THAP3: variants seen among roughly 807,000 people sequenced by gnomAD.
The protein encoded by THAP3 is THAP domain containing 3.
Under a neutral mutation model 17.7 loss-of-function variants are expected in THAP3, and 12 were observed. The ratio of observed to expected loss-of-function variants is 0.68; its 90% CI spans 0.43 to 1.10. THAP3 has a LOEUF of 1.10. Ranked by LOEUF, THAP3 falls within the 50% of genes least tolerant of loss-of-function variation. THAP3 has a pLI of 0.00. For synonymous variants in THAP3, 133 were observed against 126.9 expected (o/e 1.05, Z -0.32); for missense variants, 289 against 318.0 (o/e 0.91, Z 0.69).
chr1:6,632,705 G>T, intron 5 of THAP3, 91 bp from the exon 6 acceptor site: 1 of 1,527,222 alleles, frequency 6.5e-7, no homozygotes, highest in Non-Finnish European at 9.0e-7. Flanking sequence ...CTGCCCTGGG[G>T]TTGTGCTGTG....
chr1:6,631,817 G>T (rs1641622405), intron 4 of THAP3, among the ~76,000 whole-genome samples: 1 of 152,098 alleles, frequency 6.6e-6, no homozygotes, highest in African/African-American at 2.4e-5. Flanking sequence ...AACCCAGGGG[G>T]CGGAGGTTGC....
At chr1:6,626,911 A>G (rs572848929) in intron 2 of THAP3, among the ~76,000 whole-genome samples, 21 of 152,276 alleles carry the variant, frequency 1.4e-4, no homozygotes, top group African/African-American at 4.3e-4. Context: ...CAGTGCATCT[A>G]TCTGTTTTGC....
In THAP3 at chr1:6,628,493, C is replaced by T. The variant is rs755558087; in HGVS notation, c.75-6C>T. ...TGGGCCTCACACCCCGTGCCTCTGC[C>T]CTTAGGTTTCCGTTCAGCCGCCCGG... On this transcript the variant is annotated splice_region_variant and splice_polypyrimidine_tract_variant and intron_variant, in intron 2 of 5. Transcript: ENST00000054650. The T allele has an allele frequency of 6.2e-7, 1 of 1,607,704 alleles. No individual in the cohort carries two copies. The highest frequency in any genetic ancestry group is 1.7e-5 in the Admixed American group (1 of 59,394).
chr1:6,625,064 C>T (rs1641421544), intron 1 of THAP3, 86 bp from the exon 2 acceptor site: 1 of 806,386 alleles, frequency 1.2e-6, no homozygotes, highest in Non-Finnish European at 1.9e-6. Flanking sequence ...TGGGGAGACG[C>T]GGGTGGCTGG....
chr1:6,625,124 C>A, intron 1 of THAP3, 26 bp from the exon 2 acceptor site: 1 of 1,377,954 alleles, frequency 7.3e-7, no homozygotes, highest in Non-Finnish European at 9.8e-7. Context: ...GTCACCACCT[C>A]CCAGCGGCCC....
At chr1:6,634,102 G>C (rs755163069), downstream of THAP3, 8 of 1,611,832 alleles carry the variant, frequency 5.0e-6, no homozygotes, top group East Asian at 1.3e-4. Context: ...ATGGGGAGGA[G>C]GCCTCTGGGG....
intron 3 of THAP3, 109 bp downstream of exon 3, chr1:6,628,800 C>T: frequency 5.2e-6 from 6 of 1,144,024 alleles, no homozygotes; most frequent in Non-Finnish European, 7.4e-6. Flanking sequence ...AGGCCAAGAA[C>T]TCCAGTGACA....
chr1:6,631,695 A>T (rs540724153), intron 4 of THAP3, among the ~76,000 whole-genome samples: 78 of 152,272 alleles, frequency 5.1e-4, no homozygotes, highest in African/African-American at 1.6e-3. Flanking sequence ...GCCTGAGGTC[A>T]GGAGTTCGAG....
At position 6,630,437 on chromosome 1, in the gene THAP3, G is replaced by T; in HGVS notation, c.333+84G>T. 1.3e-5 allele frequency: 18 copies of T among 1,405,944 alleles called. No individual in the cohort carries two copies. The South Asian group carries it at 1.6e-4, about 13-fold the overall frequency. 87.1% of individuals were successfully genotyped at this position (1,405,944 alleles called of 1,614,324 possible). ...AGGTGGGATTTTCCCAGCAAGGCCGGCCCGCAGGGCTGTCGCCTTTCCTCA... is the reference window on the plus strand; with the variant it reads ...AGGTGGGATTTTCCCAGCAAGGCCGTCCCGCAGGGCTGTCGCCTTTCCTCA... On this transcript the variant is annotated intron_variant, in intron 4 of 5. Coordinates refer to ENST00000054650, the MANE Select transcript of THAP3 (RefSeq NM_001195753.2).
downstream of THAP3, chr1:6,635,566 TAATA>T: frequency 8.5e-7 from 1 of 1,176,330 alleles, no homozygotes; most frequent in Non-Finnish European, 1.2e-6. Flanking sequence ...CCTTCTATAA[TAATA>T]ATATAAAATA....
At chr1:6,630,154 GT>G (rs1223098709) in intron 3 of THAP3, 133 bp from the exon 4 acceptor site, 2 of 795,868 alleles carry the variant, frequency 2.5e-6, no homozygotes, top group African/African-American at 3.4e-5. Context: ...CTTCAGGTCA[GT>G]TTCATTTAGC....
chr1:6,634,160 C>A, downstream of THAP3: 2 of 1,372,726 alleles, frequency 1.5e-6, no homozygotes, highest in Non-Finnish European at 1.0e-6. Flanking sequence ...CACGGAAGAG[C>A]GCCAGCCTCT....
chr1:6,625,352 C>G (rs1009552873), intron 2 of THAP3, 60 bp downstream of exon 2: 2 of 1,451,288 alleles, frequency 1.4e-6, no homozygotes, highest in East Asian at 6.0e-5. Flanking sequence ...GGACCGACTC[C>G]GAGGCCTTGG....
At chr1:6,633,591 A>C, downstream of THAP3, 1 of 1,054,608 alleles carries the variant, frequency 9.5e-7, no homozygotes, top group Non-Finnish European at 1.2e-6. Context: ...CATTTTCTCT[A>C]GTGCCGTGAT....
chr1:6,628,363 T>C (rs888761480), intron 2 of THAP3, 136 bp from the exon 3 acceptor site: 60 of 700,376 alleles, frequency 8.6e-5, no homozygotes, highest in Admixed American at 3.3e-5. Flanking sequence ...AAATTAGATG[T>C]GATTTAATAA....
rs1480854631 is a variant in THAP3 at position 6,633,269 on chromosome 1, C to T, written c.*192C>T. 8.4e-6 allele frequency: 12 copies of T among 1,434,282 alleles called. No individual in the cohort carries two copies. The highest frequency in any genetic ancestry group is 2.9e-5 in the African/African-American group (2 of 69,656). 88.8% of individuals were successfully genotyped at this position (1,434,282 alleles called of 1,614,324 possible). On this transcript the variant is annotated 3_prime_UTR_variant, in exon 6 of 6. Coordinates refer to ENST00000054650, the MANE Select transcript of THAP3 (RefSeq NM_001195753.2). ...ATGCCGTCTGGGGGACGTTTAGAGGCGTGGCACTAGGAGTGCACATCTGTG... is the reference window on the plus strand; with the variant it reads ...ATGCCGTCTGGGGGACGTTTAGAGGTGTGGCACTAGGAGTGCACATCTGTG...
intron 3 of THAP3, among the ~76,000 whole-genome samples, chr1:6,629,464 C>A (rs1026223550): frequency 1.3e-5 from 2 of 152,216 alleles, no homozygotes; most frequent in African/African-American, 4.8e-5. Context: ...TCCCAGATAG[C>A]CTCATGCAGT....
downstream of THAP3, chr1:6,633,927 C>A (rs892429148): frequency 1.5e-5 from 17 of 1,145,302 alleles, no homozygotes; most frequent in Admixed American, 9.3e-5. Context: ...AAAAAAAAAA[C>A]TGACTTCCTA....
downstream of THAP3, chr1:6,634,554 C>G (rs768155061): frequency 3.7e-6 from 5 of 1,365,044 alleles, no homozygotes; most frequent in Non-Finnish European, 3.9e-6. Flanking sequence ...GCGCTTGCTC[C>G]GAGGGGTCAG....
Sources: allele counts gnomAD v4.1 joint callset (sites outside exome capture counted in the v4.1 genomes callset), GRCh38; gene constraint gnomAD v4.1.1; transcripts MANE v1.5; gene names NCBI Gene and HGNC (gene_info 2026-07-23, HGNC 2026-07-21).